DMD: variants seen among roughly 807,000 people sequenced by gnomAD.
DMD encodes the protein dystrophin.
DMD carries 63 observed loss-of-function variants against 330.1 expected under a neutral mutation model. The ratio of observed to expected loss-of-function variants is 0.19; its 90% CI spans 0.16 to 0.24. DMD has a LOEUF of 0.24. Among genes scored for constraint, DMD ranks in the 10% least tolerant of loss-of-function variants. The pLI is 1.00. For synonymous variants in DMD, 1,223 were observed against 959.8 expected (o/e 1.27, Z -5.07); for missense variants, 3,344 against 2,684.1 (o/e 1.25, Z -5.43).
chrX:33,167,594 A>T (rs2049120148), intron 1 of DMD, among the ~76,000 whole-genome samples: 1 of 111,225 alleles, frequency 9.0e-6, no homozygotes, highest in Non-Finnish European at 1.9e-5. Flanking sequence ...ACAAGTATAT[A>T]ATGAAAAACT....
At chrX:31,634,538 A>T (rs1328485235) in intron 54 of DMD, among the ~76,000 whole-genome samples, 2 of 111,798 alleles carry the variant, frequency 1.8e-5, no homozygotes, top group East Asian at 5.6e-4. Context: ...TCCTTCACTG[A>T]TACAGACATT....
At chrX:32,044,490 C>T (rs1215576514) in intron 44 of DMD, among the ~76,000 whole-genome samples, 1 of 110,007 alleles carries the variant, frequency 9.1e-6, no homozygotes, top group Non-Finnish European at 1.9e-5. Context: ...GGCACGATCT[C>T]GGCTCACTGC....
intron 44 of DMD, among the ~76,000 whole-genome samples, chrX:32,087,692 G>A (rs2096449309): frequency 8.9e-6 from 1 of 111,988 alleles, no homozygotes; most frequent in African/African-American, 3.2e-5. Context: ...ATATTCCAAC[G>A]AGGTGGAAGA....
At chrX:32,926,352 A>T (rs929016622) in intron 2 of DMD, among the ~76,000 whole-genome samples, 1 of 112,200 alleles carries the variant, frequency 8.9e-6, no homozygotes, top group African/African-American at 3.2e-5. Context: ...TTTCATTTAG[A>T]CAGGAGAAAT....
chrX:31,738,817 A>G (rs1460160169), intron 51 of DMD, among the ~76,000 whole-genome samples: 1 of 112,254 alleles, frequency 8.9e-6, no homozygotes, highest in African/African-American at 3.2e-5. Flanking sequence ...GGTGAAATAA[A>G]TCAGACACAG....
chrX:32,152,188 C>G (rs1210782300), intron 44 of DMD, among the ~76,000 whole-genome samples: 6 of 111,961 alleles, frequency 5.4e-5, no homozygotes, highest in African/African-American at 1.9e-4. Flanking sequence ...CACATATGGG[C>G]TACATTACAA....
rs59425093 is a variant in DMD, at chrX:32,960,916, TAAAA to T, written c.93+59219_93+59222del. ...CATGATTATTTTATTGCACCATTTGTAAAAAAAAAAAAAAAAAAAAAAGGTCAAT... is the reference window on the plus strand; with the variant it reads ...CATGATTATTTTATTGCACCATTTGTAAAAAAAAAAAAAAAAAAGGTCAAT... On this transcript the variant is annotated intron_variant, in intron 2 of 78. Transcript: ENST00000357033. Among the ~76,000 whole-genome samples the T allele has an allele frequency of 1.2e-3, 83 of 68,653 alleles. 1 individual carries two copies. Among genetic ancestry groups the T allele is most frequent in the South Asian group, 4.1e-3 (5 of 1,222 alleles). The allele number at this position is 68,653 out of a possible 115,157, so 59.6% of individuals were successfully genotyped here.
At chrX:31,323,772 C>A in intron 61 of DMD, 114 bp from the exon 62 acceptor site, 1 of 692,471 alleles carries the variant, frequency 1.4e-6, no homozygotes, top group South Asian at 2.3e-5. Flanking sequence ...TCTGTTTGCT[C>A]AGCTGCCCAT....
intron 55 of DMD, among the ~76,000 whole-genome samples, chrX:31,594,150 T>A (rs1158025700): frequency 9.0e-6 from 1 of 110,994 alleles, no homozygotes; most frequent in Non-Finnish European, 1.9e-5. Context: ...TGTAGGATAT[T>A]TTATACCATA....
At chrX:32,815,830 G>T (rs955943321) in intron 6 of DMD, among the ~76,000 whole-genome samples, 2 of 110,655 alleles carry the variant, frequency 1.8e-5, no homozygotes, top group Non-Finnish European at 3.8e-5. Flanking sequence ...TATAGCAATT[G>T]ATTTGCTGTT....
chrX:31,240,979 T>C (rs761682897), intron 63 of DMD, among the ~76,000 whole-genome samples: 6 of 111,176 alleles, frequency 5.4e-5, no homozygotes, highest in Non-Finnish European at 1.1e-4. Context: ...ACAGTAATAG[T>C]ACCTATTCCT....
intron 48 of DMD, among the ~76,000 whole-genome samples, chrX:31,871,218 A>G (rs1425290920): frequency 9.0e-6 from 1 of 111,004 alleles, no homozygotes; most frequent in Non-Finnish European, 1.9e-5. Flanking sequence ...TCACGATCTC[A>G]TTGATTATGT....
At chrX:32,956,176 T>G (rs987286964) in intron 2 of DMD, among the ~76,000 whole-genome samples, 4 of 111,759 alleles carry the variant, frequency 3.6e-5, no homozygotes, top group African/African-American at 9.7e-5. Flanking sequence ...ATATGAACTT[T>G]AAAATAGTTT....
At chrX:32,004,799 C>A (rs2064405822) in intron 44 of DMD, among the ~76,000 whole-genome samples, 1 of 111,358 alleles carries the variant, frequency 9.0e-6, no homozygotes, top group African/African-American at 3.3e-5. Context: ...TTATGAAAAA[C>A]ACAGTACCTT....
intron 49 of DMD, among the ~76,000 whole-genome samples, chrX:31,829,462 A>T (rs1005457210): frequency 1.4e-4 from 15 of 108,472 alleles, no homozygotes; most frequent in East Asian, 1.2e-3. Flanking sequence ...ATAAAAAAAA[A>T]TTTTTTAATT....
intron 18 of DMD, among the ~76,000 whole-genome samples, chrX:32,508,624 G>C (rs181156555): frequency 3.0e-4 from 33 of 110,508 alleles, no homozygotes; most frequent in Non-Finnish European, 4.9e-4. Flanking sequence ...ACTTCTGAGG[G>C]GATTAAAGGA....
At chrX:31,779,582 T>A (rs1008852052) in intron 50 of DMD, among the ~76,000 whole-genome samples, 16 of 111,896 alleles carry the variant, frequency 1.4e-4, no homozygotes, top group African/African-American at 5.2e-4. Context: ...TTTGGGTGGG[T>A]TTTGTTTGTT....
At chrX:32,177,579 C>G (rs1349825940) in intron 44 of DMD, among the ~76,000 whole-genome samples, 1 of 110,883 alleles carries the variant, frequency 9.0e-6, no homozygotes, top group African/African-American at 3.3e-5. Flanking sequence ...GATACTAATT[C>G]AAATTTCTAA....
intron 38 of DMD, among the ~76,000 whole-genome samples, chrX:32,347,470 G>A (rs935770862): frequency 3.6e-5 from 4 of 111,389 alleles, no homozygotes; most frequent in African/African-American, 6.5e-5. Context: ...AGCCTCTTCC[G>A]TCTTTCCACA....
Sources: gnomAD v4.1 joint callset for allele counts (sites outside exome capture counted in the v4.1 genomes callset) on GRCh38, gnomAD v4.1.1 for gene constraint, MANE v1.5 for transcripts, NCBI Gene and HGNC (gene_info 2026-07-23, HGNC 2026-07-21) for gene names.